Variants in SCP2 observed in about 807,000 individuals in gnomAD.
SCP2 encodes the protein SCP-2/3-oxoacyl-CoA thiolase.
Under a neutral mutation model 71.4 loss-of-function variants are expected in SCP2, and 48 were observed. That is an observed-to-expected ratio of 0.67 (90% CI 0.53 to 0.86). SCP2 has a LOEUF of 0.86. SCP2 is among the 40% of genes least tolerant of loss of function. The pLI, the probability that SCP2 is intolerant of heterozygous loss-of-function variation, is 0.00. For missense variants in SCP2, 560 were observed against 655.6 expected (o/e 0.85, Z 1.59); for synonymous variants, 220 against 218.1 (o/e 1.01, Z -0.08).
At chr1:52,987,861 G>A (rs555422759) in intron 10 of SCP2, among the ~76,000 whole-genome samples, 168 bp from the exon 11 acceptor site, 7 of 152,260 alleles carry the variant, frequency 4.6e-5, no homozygotes, top group African/African-American at 1.4e-4. Context: ...TTCTGAAAAT[G>A]TAAGTATTTA....
intron 10 of SCP2, among the ~76,000 whole-genome samples, chr1:52,983,289 G>A (rs1210869708): frequency 6.6e-6 from 1 of 152,108 alleles, no homozygotes; most frequent in African/African-American, 2.4e-5. Flanking sequence ...GTAATGTCTA[G>A]GCATGGTTTT....
At chr1:52,961,706 G>A (rs886956250) in intron 6 of SCP2, 77 bp downstream of exon 6, 4 of 1,277,224 alleles carry the variant, frequency 3.1e-6, no homozygotes, top group African/African-American at 1.5e-5. Flanking sequence ...TATTTATTAA[G>A]GAACTGTGGA....
At chr1:53,014,145 T>A (rs1254004067) in intron 11 of SCP2, among the ~76,000 whole-genome samples, 2 of 151,298 alleles carry the variant, frequency 1.3e-5, no homozygotes, top group Non-Finnish European at 2.9e-5. Context: ...GACCTCGTGA[T>A]CTGCCCTCCT....
chr1:52,983,025 A>C (rs969314116), intron 10 of SCP2, among the ~76,000 whole-genome samples: 4 of 152,148 alleles, frequency 2.6e-5, no homozygotes, highest in African/African-American at 9.7e-5. Context: ...TATAAAGCAG[A>C]TCTTTTGGAG....
At chr1:52,983,987 T>G (rs1304320166) in intron 10 of SCP2, among the ~76,000 whole-genome samples, 1 of 152,208 alleles carries the variant, frequency 6.6e-6, no homozygotes, top group Admixed American at 6.5e-5. Flanking sequence ...TGTCTTGCCT[T>G]CTGAGGGTGG....
chr1:52,935,975 C>T (rs1189994687), intron 1 of SCP2, among the ~76,000 whole-genome samples: 2 of 151,932 alleles, frequency 1.3e-5, no homozygotes, highest in Non-Finnish European at 2.9e-5. Flanking sequence ...CAATACTCTT[C>T]CCTTTTCCAA....
intron 1 of SCP2, among the ~76,000 whole-genome samples, chr1:52,932,101 A>T (rs1653209382): frequency 6.6e-6 from 1 of 152,204 alleles, no homozygotes; most frequent in Admixed American, 6.5e-5. Flanking sequence ...TTAATAAAAA[A>T]GATCCAATAT....
At chr1:52,957,428 A>G (rs1655927333) in intron 5 of SCP2, among the ~76,000 whole-genome samples, 1 of 152,246 alleles carries the variant, frequency 6.6e-6, no homozygotes. Context: ...CTACAAAACA[A>G]TTCAATTTTT....
At chr1:53,030,985 T>C (rs1662506852) in intron 13 of SCP2, among the ~76,000 whole-genome samples, 1 of 151,910 alleles carries the variant, frequency 6.6e-6, no homozygotes, top group Non-Finnish European at 1.5e-5. Flanking sequence ...CTTCTTTCAT[T>C]ACAAGTGTTC....
At chr1:52,995,044 A>G (rs1659826539) in intron 11 of SCP2, 1 of 504,438 alleles carries the variant, frequency 2.0e-6, no homozygotes, top group Admixed American at 2.2e-5. Flanking sequence ...AGGCCACTAC[A>G]TAGAGGGGGC....
At chr1:53,009,568 A>G (rs1300959897) in intron 11 of SCP2, among the ~76,000 whole-genome samples, 5 of 152,252 alleles carry the variant, frequency 3.3e-5, no homozygotes, top group Non-Finnish European at 5.9e-5. Flanking sequence ...AAAACTGGCT[A>G]GCCATATGTA....
chr1:53,036,013 C>T (rs1229957610), intron 13 of SCP2, among the ~76,000 whole-genome samples: 1 of 127,866 alleles, frequency 7.8e-6, no homozygotes, highest in African/African-American at 3.5e-5. Context: ...GAGCGAGACT[C>T]CGTCTCAAAA....
At chr1:52,947,309 T>A (rs1200212892) in intron 2 of SCP2, among the ~76,000 whole-genome samples, 2 of 146,816 alleles carry the variant, frequency 1.4e-5, no homozygotes, top group Non-Finnish European at 3.0e-5. Context: ...CTGTTCCCCA[T>A]GGACAACTTC....
chr1:53,036,002 A>C (rs1490011146), intron 13 of SCP2, among the ~76,000 whole-genome samples: 1 of 145,768 alleles, frequency 6.9e-6, no homozygotes, highest in African/African-American at 2.6e-5. Context: ...CCTGGGCGAC[A>C]GAGCGAGACT....
Position 52,980,494 on chromosome 1 carries a change from T to C in SCP2, c.924T>C (p.Phe308=), listed in dbSNP as rs1572131822. ...DIDVIELHDC[F]STNELLTYEA... Reference sequence around the variant, plus strand: ...ACGTAATAGAACTTCACGATTGCTTTTCTACCAACGAACTCCTTACTTATG... The same window carrying C: ...ACGTAATAGAACTTCACGATTGCTTCTCTACCAACGAACTCCTTACTTATG... The change falls in exon 10 of 16, where the codon TTT becomes TTC. Residue 308 remains phenylalanine, a synonymous_variant. Transcript: ENST00000371514. 1 of 1,614,110 alleles carries C rather than the reference T, an allele frequency of 6.2e-7. No individual in the cohort carries two copies. The highest frequency in any genetic ancestry group is 2.2e-5 in the East Asian group (1 of 44,878).
chr1:52,934,284 T>C (rs1031752102), intron 1 of SCP2, among the ~76,000 whole-genome samples: 2 of 152,194 alleles, frequency 1.3e-5, no homozygotes, highest in Admixed American at 1.3e-4. Context: ...TTAGAAAACT[T>C]GTATCTGCTT....
intron 5 of SCP2, among the ~76,000 whole-genome samples, chr1:52,960,239 T>C (rs1656216964): frequency 6.6e-6 from 1 of 152,070 alleles, no homozygotes; most frequent in African/African-American, 2.4e-5. Context: ...TTCTTTTTCA[T>C]TCTGCTCATT....
At chr1:52,959,119 AT>A (rs912830012) in intron 5 of SCP2, among the ~76,000 whole-genome samples, 7 of 151,204 alleles carry the variant, frequency 4.6e-5, no homozygotes, top group African/African-American at 1.7e-4. Flanking sequence ...GTAAATTGGT[AT>A]TTTTTTCTCT....
intron 1 of SCP2, among the ~76,000 whole-genome samples, chr1:52,936,785 G>T (rs1443423830): frequency 1.3e-5 from 2 of 152,052 alleles, no homozygotes; most frequent in Non-Finnish European, 2.9e-5. Flanking sequence ...GTAAGAATCG[G>T]GATAGTAATT....
Sources: gnomAD v4.1 joint callset for allele counts (sites outside exome capture counted in the v4.1 genomes callset) on GRCh38, gnomAD v4.1.1 for gene constraint, MANE v1.5 for transcripts, NCBI Gene and HGNC (gene_info 2026-07-23, HGNC 2026-07-21) for gene names.